ACTN1: variants seen among roughly 807,000 people sequenced by gnomAD.
ACTN1 encodes alpha-actinin-1.
Under a neutral mutation model 119.6 loss-of-function variants are expected in ACTN1, and 30 were observed. That is an observed-to-expected ratio of 0.25 (90% CI 0.19 to 0.34). The LOEUF is 0.34. Among genes scored for constraint, ACTN1 ranks in the 10% least tolerant of loss-of-function variants. The pLI is 1.00. For missense variants in ACTN1, 764 were observed against 1,223.4 expected, an observed-to-expected ratio of 0.62 and a Z score of 5.60; for synonymous variants, 429 against 472.6, an observed-to-expected ratio of 0.91 and a Z score of 1.20.
At chr14:68,936,672 C>T in intron 1 of ACTN1, 1 of 624,118 alleles carries the variant, frequency 1.6e-6, no homozygotes, top group Non-Finnish European at 3.1e-6. Context: ...GGGAGCCTGG[C>T]CGGGTGAAGT....
At chr14:68,891,962 C>A (rs1440180125) in intron 10 of ACTN1, 91 bp downstream of exon 10, 1 of 1,486,110 alleles carries the variant, frequency 6.7e-7, no homozygotes, top group Non-Finnish European at 9.1e-7. Flanking sequence ...CCCATCCGCA[C>A]CCCCATAAAG....
intron 2 of ACTN1, among the ~76,000 whole-genome samples, chr14:68,922,318 G>A (rs947429666): frequency 2.0e-5 from 3 of 152,230 alleles, no homozygotes; most frequent in South Asian, 4.1e-4. Flanking sequence ...TCTGGAAGAC[G>A]GCAGACTTCC....
intron 1 of ACTN1, chr14:68,977,789 G>A: frequency 3.0e-6 from 1 of 333,468 alleles, no homozygotes; most frequent in Non-Finnish European, 5.9e-6. Context: ...CCAAAGGGAC[G>A]CGCCATCCTG....
rs372421049 is a variant in ACTN1, at chr14:68,925,551, G to A, written c.220+7C>T. 3.2e-5 allele frequency: 52 copies of A among 1,609,098 alleles called. No homozygotes were observed. The African/African-American group carries it at 4.7e-4, about 14-fold the overall frequency. On this transcript the variant is annotated splice_region_variant and intron_variant, in intron 2 of 21. Transcript: ENST00000394419. This position sits in a 1 kb window ranked among gnomAD's most constrained non-coding sequence, Gnocchi z 4.3. ...AGTATCTCGTCCTGGGCCAGGTTCCGCCTCACCTGAGATGACCTCCAGCAG... is the reference window on the plus strand; with the variant it reads ...AGTATCTCGTCCTGGGCCAGGTTCCACCTCACCTGAGATGACCTCCAGCAG...
chr14:68,906,522 G>T (rs567224794), intron 6 of ACTN1, among the ~76,000 whole-genome samples: 1 of 152,340 alleles, frequency 6.6e-6, no homozygotes, highest in East Asian at 1.9e-4. Flanking sequence ...GCAGCCAGGA[G>T]GATGAACACT....
chr14:68,883,055 C>T lies in ACTN1; in HGVS notation c.1636G>A (p.Gly546Arg). Residue 546 changes from glycine (G) to arginine (R), a missense_variant and splice_region_variant, in exon 15 of 22, where the codon GGA becomes AGA. Coordinates refer to ENST00000394419, the MANE Select transcript of ACTN1 (RefSeq NM_001130004.2). ...AACTGCTCATGGGCTGTGGTCAGTC[C>T]CTGGACAGAGATGGGAATATGTGGG... ...FIVHTIEEIQ[G>R]LTTAHEQFKA... The T allele has an allele frequency of 6.2e-7, 1 of 1,613,534 alleles. No homozygotes were observed. Among genetic ancestry groups the T allele is most frequent in the Non-Finnish European group, 8.5e-7 (1 of 1,179,628 alleles).
At chr14:68,940,365 C>G (rs2035723876) in intron 1 of ACTN1, among the ~76,000 whole-genome samples, 2 of 152,150 alleles carry the variant, frequency 1.3e-5, no homozygotes, top group Admixed American at 1.3e-4. Flanking sequence ...ATATGGGAAC[C>G]CGGGGTCTGG....
chr14:68,929,150 A>C (rs2035091174), intron 1 of ACTN1, among the ~76,000 whole-genome samples: 1 of 151,856 alleles, frequency 6.6e-6, no homozygotes. Context: ...AGGGATTTTG[A>C]CAGTGGCCTT....
chr14:68,931,491 G>T (rs1283018086), intron 1 of ACTN1, among the ~76,000 whole-genome samples: 1 of 152,206 alleles, frequency 6.6e-6, no homozygotes, highest in East Asian at 1.9e-4. Context: ...AATATCTAAA[G>T]ATCCTTCCAT....
At chr14:68,973,183 G>A (rs1338005065) in intron 1 of ACTN1, among the ~76,000 whole-genome samples, 2 of 152,276 alleles carry the variant, frequency 1.3e-5, no homozygotes, top group South Asian at 2.1e-4. Flanking sequence ...CCCATCTGCT[G>A]AGAAGAGAAG....
Position 68,972,252 on chromosome 14 carries a change from G to A in ACTN1, c.105+6700C>T, listed in dbSNP as rs191386675. Among the ~76,000 whole-genome samples the A allele has an allele frequency of 1.2e-3, 180 of 152,086 alleles. 2 individuals are homozygous for A. Among genetic ancestry groups the A allele is most frequent in the African/African-American group, 4.2e-3 (173 of 41,484 alleles). ...AGGAAAGAGCCACATCCTTCATCCC[G>A]CTTTCTACAAAAGCTCCCGCCCTTA... On this transcript the variant is annotated intron_variant, in intron 1 of 21. Transcript: ENST00000394419.
chr14:68,913,659 G>A (rs1041204904), intron 3 of ACTN1, among the ~76,000 whole-genome samples: 2 of 152,188 alleles, frequency 1.3e-5, no homozygotes, highest in African/African-American at 4.8e-5. Flanking sequence ...CAGGGGAGCG[G>A]GTAACCTGCT....
chr14:68,947,681 T>C (rs143621594), intron 1 of ACTN1: 1 of 152,226 alleles, frequency 6.6e-6, no homozygotes. Flanking sequence ...CCGGTCCCAA[T>C]CATCCCACAG....
intron 3 of ACTN1, among the ~76,000 whole-genome samples, chr14:68,915,879 T>A (rs1024832685): frequency 1.3e-5 from 2 of 152,182 alleles, no homozygotes; most frequent in African/African-American, 4.8e-5. Flanking sequence ...GCAGATGTGG[T>A]GGCACATGCC....
intron 1 of ACTN1, among the ~76,000 whole-genome samples, chr14:68,940,530 T>C (rs2140488180): frequency 6.6e-6 from 1 of 152,084 alleles, no homozygotes; most frequent in East Asian, 1.9e-4. Context: ...AAACTAGACT[T>C]ACGGTAGGGG....
rs118150246 is a variant in ACTN1, at chr14:68,903,912, A to G, written c.676+743T>C. Among the ~76,000 whole-genome samples the G allele has an allele frequency of 4.0e-4, 61 of 152,212 alleles. No individual in the cohort carries two copies. In the East Asian group the frequency reaches 6.0e-3, roughly 15 times the overall value. On this transcript the variant is annotated intron_variant, in intron 7 of 21. Transcript: ENST00000394419. ...AGCTGGGTTTCCAGCCCCAGGCCCA[A>G]TCTTTGGTAAGGATGTTCTAGTGTC...
At chr14:68,917,705 C>G (rs2034384586) in intron 3 of ACTN1, among the ~76,000 whole-genome samples, 1 of 152,174 alleles carries the variant, frequency 6.6e-6, no homozygotes, top group East Asian at 1.9e-4. Flanking sequence ...TGATTTCACT[C>G]CTGGAAGCCA....
At chr14:68,917,662 C>T (rs939406673) in intron 3 of ACTN1, among the ~76,000 whole-genome samples, 5 of 152,228 alleles carry the variant, frequency 3.3e-5, no homozygotes, top group Non-Finnish European at 5.9e-5. Context: ...GCCATTGTGG[C>T]ATAATCTTGG....
intron 21 of ACTN1, 103 bp from the exon 22 acceptor site, chr14:68,875,120 C>T (rs959254034): frequency 9.0e-6 from 14 of 1,556,962 alleles, no homozygotes; most frequent in South Asian, 3.5e-5. Flanking sequence ...CAGCATGTGC[C>T]GTTTGCATTT....
Sources: gnomAD v4.1 joint callset for allele counts (sites outside exome capture counted in the v4.1 genomes callset) on GRCh38, gnomAD v4.1.1 for gene constraint, Gnocchi (gnomAD v3.1) non-coding constraint, MANE v1.5 for transcripts, NCBI Gene and HGNC (gene_info 2026-07-23, HGNC 2026-07-21) for gene names.